Variants in CCDC6 observed in about 807,000 individuals in gnomAD.
CCDC6 encodes the protein coiled-coil domain-containing protein 6.
Under a neutral mutation model 56.6 loss-of-function variants are expected in CCDC6, and 20 were observed. That is an observed-to-expected ratio of 0.35 (90% CI 0.25 to 0.51). The LOEUF (loss-of-function observed/expected upper bound fraction) is 0.51. Among genes scored for constraint, CCDC6 ranks in the 20% least tolerant of loss-of-function variants. The pLI is 0.95. For synonymous variants in CCDC6, 241 were observed against 234.4 expected, an observed-to-expected ratio of 1.03 and a Z score of -0.26; for missense variants, 367 against 601.1, an observed-to-expected ratio of 0.61 and a Z score of 4.07.
chr10:59,851,906 A>AC (rs1233292406), intron 2 of CCDC6, among the ~76,000 whole-genome samples: 1 of 141,402 alleles, frequency 7.1e-6, no homozygotes, highest in Non-Finnish European at 1.6e-5. Context: ...CTTGTACTTT[A>AC]CCAGTAAGCT....
At chr10:59,798,053 CTTGTT>C (rs750936590) in intron 7 of CCDC6, among the ~76,000 whole-genome samples, 180 of 152,318 alleles carry the variant, frequency 1.2e-3, no homozygotes, top group Non-Finnish European at 2.2e-3. Context: ...TGGGGAATTA[CTTGTT>C]TTATCACTGC....
At chr10:59,801,288 T>G (rs2070572648) in intron 7 of CCDC6, among the ~76,000 whole-genome samples, 1 of 152,218 alleles carries the variant, frequency 6.6e-6, no homozygotes, top group African/African-American at 2.4e-5. Context: ...TTGTTAAAAT[T>G]CAAACAATTT....
At chr10:59,900,488 C>A (rs1025076216) in intron 1 of CCDC6, among the ~76,000 whole-genome samples, 1 of 152,176 alleles carries the variant, frequency 6.6e-6, no homozygotes, top group East Asian at 1.9e-4. Flanking sequence ...AGAATGCACA[C>A]TGGGCTAAAC....
rs1175026434 is a variant in CCDC6, at chr10:59,814,810, T to C, written c.583-55A>G. 4 of 1,176,832 alleles carry C rather than the reference T, an allele frequency of 3.4e-6. No homozygotes were observed. The African/African-American group carries it at 4.5e-5, about 13-fold the overall frequency. 72.9% of individuals were successfully genotyped at this position (1,176,832 alleles called of 1,614,324 possible). On this transcript the variant is annotated intron_variant, in intron 3 of 8. Transcript: ENST00000263102. Reference sequence around the variant, plus strand: ...TGTCAGGCCACTTATACTTTGTTAATACATTTTTTGATTGAACAATTAGGA... The same window carrying C: ...TGTCAGGCCACTTATACTTTGTTAACACATTTTTTGATTGAACAATTAGGA...
At chr10:59,874,523 G>A (rs2071261428) in intron 1 of CCDC6, among the ~76,000 whole-genome samples, 1 of 152,164 alleles carries the variant, frequency 6.6e-6, no homozygotes, top group Non-Finnish European at 1.5e-5. Context: ...AGTGAAGGCA[G>A]AATGCTCCCT....
intron 6 of CCDC6, chr10:59,805,491 A>T (rs2070613402): frequency 6.6e-6 from 1 of 152,206 alleles, no homozygotes; most frequent in African/African-American, 2.4e-5. Flanking sequence ...GGAAGGCTGA[A>T]ATTGCTTCAC....
chr10:59,829,003 T>C (rs1035485387), intron 3 of CCDC6, among the ~76,000 whole-genome samples: 3 of 152,224 alleles, frequency 2.0e-5, no homozygotes, highest in South Asian at 2.1e-4. Context: ...GATCTAGCTG[T>C]GAACATTCCC....
intron 1 of CCDC6, among the ~76,000 whole-genome samples, chr10:59,892,614 T>C (rs924282256): frequency 2.0e-5 from 3 of 152,168 alleles, no homozygotes; most frequent in Non-Finnish European, 4.4e-5. Flanking sequence ...TGGAGGACAA[T>C]AGAAGGGGGT....
At chr10:59,848,619 C>T (rs2071013886) in intron 2 of CCDC6, among the ~76,000 whole-genome samples, 1 of 152,164 alleles carries the variant, frequency 6.6e-6, no homozygotes. Flanking sequence ...AGGTGACAGT[C>T]TCAAAAATAA....
At chr10:59,876,379 G>A (rs1423748828) in intron 1 of CCDC6, among the ~76,000 whole-genome samples, 1 of 151,784 alleles carries the variant, frequency 6.6e-6, no homozygotes, top group Non-Finnish European at 1.5e-5. Context: ...AATCACTGAT[G>A]CATTACATGC....
chr10:59,890,073 C>A (rs936186842), intron 1 of CCDC6, among the ~76,000 whole-genome samples: 3 of 152,206 alleles, frequency 2.0e-5, no homozygotes, highest in African/African-American at 7.2e-5. Flanking sequence ...TCTAAACACA[C>A]TTCTCTCAGG....
At chr10:59,870,881 G>T (rs1664254) in intron 1 of CCDC6, among the ~76,000 whole-genome samples, 5 of 152,034 alleles carry the variant, frequency 3.3e-5, no homozygotes, top group South Asian at 2.1e-4. Flanking sequence ...CCACCAGCCC[G>T]GGACTATTAA....
In CCDC6 at chr10:59,789,457, C is replaced by A. The variant is rs1127327; in HGVS notation, c.*3460G>T. 65,322 of 231,130 alleles carry A rather than the reference C, an allele frequency of 0.28. 10,121 individuals carry two copies. Among genetic ancestry groups the A allele is most frequent in the African/African-American group, 0.41 (18,266 of 45,074 alleles). The allele number at this position is 231,130 out of a possible 1,614,324, so 14.3% of individuals were successfully genotyped here. A position where few individuals can be genotyped will look rare whatever the true frequency, so the allele number is the denominator to read the frequency against. On this transcript the variant is annotated 3_prime_UTR_variant, in exon 9 of 9. Coordinates refer to ENST00000263102, the MANE Select transcript of CCDC6 (RefSeq NM_005436.5). ...CAAAAAATTAAAGAAGAAAAAAAAA[C>A]CCTAAAAAACAAAGAAAAAAACAAA...
rs796248703 is a variant in CCDC6, at chr10:59,789,295, C to T, written c.*3622G>A. ...GACACACACATGCACACACACAGCA[C>T]CCATGCTATCAAGACACAGGATTTT... On this transcript the variant is annotated 3_prime_UTR_variant, in exon 9 of 9. Transcript: ENST00000263102. 2.2e-5 allele frequency: 5 copies of T among 231,716 alleles called. No homozygotes were observed. The highest frequency in any genetic ancestry group is 6.6e-5 in the African/African-American group (3 of 45,318). The allele number at this position is 231,716 out of a possible 1,614,324, so 14.4% of individuals were successfully genotyped here.
chr10:59,855,799 A>C (rs1161836099), intron 1 of CCDC6, among the ~76,000 whole-genome samples: 2 of 152,202 alleles, frequency 1.3e-5, no homozygotes. Context: ...AAGGACTCAT[A>C]ATCAACACAC....
rs1442166818 is a variant in CCDC6 at position 59,791,256 on chromosome 10, T to C, written c.*1661A>G. Reference sequence around the variant, plus strand: ...CAGTTTCTTCCAAACAATTGAGTGATGTTCTCAGTTTGGGGGTGGAAGCAG... The same window carrying C: ...CAGTTTCTTCCAAACAATTGAGTGACGTTCTCAGTTTGGGGGTGGAAGCAG... On this transcript the variant is annotated 3_prime_UTR_variant, in exon 9 of 9. Coordinates refer to ENST00000263102, the MANE Select transcript of CCDC6 (RefSeq NM_005436.5). 5.0e-6 allele frequency: 1 copy of C among 200,414 alleles called. No individual in the cohort carries two copies. Among genetic ancestry groups the C allele is most frequent in the Non-Finnish European group, 1.0e-5 (1 of 97,290 alleles). The allele number at this position is 200,414 out of a possible 1,614,324, so 12.4% of individuals were successfully genotyped here. A position where few individuals can be genotyped will look rare whatever the true frequency, so the allele number is the denominator to read the frequency against.
chr10:59,874,359 A>G (rs937388724), intron 1 of CCDC6, among the ~76,000 whole-genome samples: 1 of 152,170 alleles, frequency 6.6e-6, no homozygotes, highest in African/African-American at 2.4e-5. Context: ...TTTATCAAAC[A>G]TATTAAAATT....
At position 59,819,146 on chromosome 10, in the gene CCDC6, T is replaced by C. The variant is rs567662124; in HGVS notation, c.583-4391A>G. ...GATAATGTTTTTGTGACCAGAAATA[T>C]GTCATAGGAACTTAACTCTTGTTTA... On this transcript the variant is annotated intron_variant, in intron 3 of 8. Transcript: ENST00000263102. Among the ~76,000 whole-genome samples, 5 of 152,342 alleles carry C rather than the reference T, an allele frequency of 3.3e-5. No individual in the cohort carries two copies. The South Asian group carries it at 1.0e-3, about 32-fold the overall frequency.
intron 3 of CCDC6, among the ~76,000 whole-genome samples, chr10:59,823,952 C>G (rs762612794): frequency 6.6e-6 from 1 of 152,202 alleles, no homozygotes; most frequent in African/African-American, 2.4e-5. Context: ...CATGCAAGGT[C>G]TTTGTCCCCA....
Sources: allele counts gnomAD v4.1 joint callset (sites outside exome capture counted in the v4.1 genomes callset), GRCh38; gene constraint gnomAD v4.1.1; transcripts MANE v1.5; gene names NCBI Gene and HGNC (gene_info 2026-07-23, HGNC 2026-07-21).